The following EIF4G3 variants were observed in gnomAD, a reference collection of about 807,000 sequenced individuals.
The protein encoded by EIF4G3 is eukaryotic translation initiation factor 4 gamma 3.
In EIF4G3, 34 loss-of-function variants were observed where a neutral mutation model predicts 186.4. The ratio of observed to expected loss-of-function variants is 0.18; its 90% CI spans 0.14 to 0.24. EIF4G3 has a LOEUF of 0.24. Ranked by LOEUF, EIF4G3 falls within the 10% of genes least tolerant of loss-of-function variation. EIF4G3 has a pLI of 1.00. For synonymous variants in EIF4G3, 673 were observed against 679.5 expected, an observed-to-expected ratio of 0.99 and a Z score of 0.15; for missense variants, 1,536 against 1,948.5, an observed-to-expected ratio of 0.79 and a Z score of 3.99.
intron 29 of EIF4G3, chr1:20,847,820 T>A: frequency 2.1e-6 from 1 of 471,802 alleles, no homozygotes. Context: ...ACCTCACTCA[T>A]CATCAAAAAC....
At chr1:21,126,259 A>G (rs1259149057) in intron 2 of EIF4G3, among the ~76,000 whole-genome samples, 1 of 152,008 alleles carries the variant, frequency 6.6e-6, no homozygotes, top group African/African-American at 2.4e-5. Context: ...TGGCACAGAA[A>G]AGGCAAAAAC....
intron 20 of EIF4G3, among the ~76,000 whole-genome samples, chr1:20,874,733 C>T (rs1219459330): frequency 6.6e-6 from 1 of 152,008 alleles, no homozygotes; most frequent in African/African-American, 2.4e-5. Flanking sequence ...AAATCTTATA[C>T]CTTTATCCTT....
At chr1:21,073,793 G>T in intron 3 of EIF4G3, 1 of 344,614 alleles carries the variant, frequency 2.9e-6, no homozygotes, top group Admixed American at 3.1e-5. Flanking sequence ...TGTAGACAAC[G>T]TCCCTGGAAG....
At chr1:20,998,749 T>C (rs1014506840) in intron 6 of EIF4G3, 1 of 324,288 alleles carries the variant, frequency 3.1e-6, no homozygotes, top group South Asian at 2.6e-5. Context: ...ATATTGTGGA[T>C]ACTAATACGT....
chr1:21,148,295 T>G (rs2097487339), intron 2 of EIF4G3, among the ~76,000 whole-genome samples: 1 of 152,148 alleles, frequency 6.6e-6, no homozygotes, highest in Admixed American at 6.5e-5. Context: ...GGTCTTGAAC[T>G]CCCGGGTCTA....
intron 2 of EIF4G3, among the ~76,000 whole-genome samples, chr1:21,109,775 C>T (rs1297282555): frequency 6.6e-6 from 1 of 152,046 alleles, no homozygotes; most frequent in Non-Finnish European, 1.5e-5. Flanking sequence ...CCCATTTCAA[C>T]AGAGACTGTA....
intron 14 of EIF4G3, among the ~76,000 whole-genome samples, chr1:20,939,309 C>T (rs1455117543): frequency 6.6e-6 from 1 of 151,942 alleles, no homozygotes; most frequent in Admixed American, 6.6e-5. Flanking sequence ...TCTGTTATTC[C>T]AAGTCATTAA....
chr1:21,074,434 T>C (rs953218704), intron 3 of EIF4G3, among the ~76,000 whole-genome samples: 4 of 152,146 alleles, frequency 2.6e-5, no homozygotes, highest in Admixed American at 2.6e-4. Flanking sequence ...ATTATGAAAA[T>C]ATCTAAATGC....
intron 7 of EIF4G3, among the ~76,000 whole-genome samples, chr1:20,987,599 G>T (rs1011836302): frequency 6.6e-6 from 1 of 151,990 alleles, no homozygotes; most frequent in Non-Finnish European, 1.5e-5. Context: ...TGTTATCATT[G>T]TAACTGGGAG....
Position 20,853,680 on chromosome 1 carries a change from A to C in EIF4G3, c.3434-3T>G. 1 of 1,602,992 alleles carries C rather than the reference A, an allele frequency of 6.2e-7. No individual in the cohort carries two copies. Among genetic ancestry groups the C allele is most frequent in the Non-Finnish European group, 8.5e-7 (1 of 1,170,218 alleles). On this transcript the variant is annotated splice_region_variant and splice_polypyrimidine_tract_variant and intron_variant, in intron 26 of 36. Coordinates refer to ENST00000602326, the MANE Select transcript of EIF4G3 (RefSeq NM_001391906.1). The stretch of plus-strand genomic sequence containing the variant: ...GGAAGCACTTGACCGTAAGGCATCT[A>C]CACATGTCGAGGATTTAGAAAAAAA...
chr1:21,053,926 G>C (rs986752922), intron 3 of EIF4G3, among the ~76,000 whole-genome samples: 2 of 152,150 alleles, frequency 1.3e-5, no homozygotes, highest in African/African-American at 4.8e-5. Flanking sequence ...CTACTGGGAA[G>C]TGAGGAGCCC....
chr1:20,985,038 T>C (rs774136887), intron 7 of EIF4G3, among the ~76,000 whole-genome samples: 14 of 152,308 alleles, frequency 9.2e-5, no homozygotes, highest in Non-Finnish European at 1.6e-4. Flanking sequence ...AGTCAGATTA[T>C]AGGCATGTAC....
rs547224252 is a variant in EIF4G3 at position 20,926,422 on chromosome 1, G to A, written c.1663+15069C>T. 5.3e-5 allele frequency among the ~76,000 whole-genome samples: 8 copies of A among 152,336 alleles called. 1 individual carries two copies. The highest frequency in any genetic ancestry group is 6.8e-3 in the Middle Eastern group (2 of 294). ...AGGCCAGGCATGGTAGCTCATGCCT[G>A]TAACCCCAGCACTTTGGAAGGCCAA... On this transcript the variant is annotated intron_variant, in intron 14 of 36. Coordinates refer to ENST00000602326, the MANE Select transcript of EIF4G3 (RefSeq NM_001391906.1).
chr1:20,994,979 T>G (rs2081981602), intron 7 of EIF4G3, among the ~76,000 whole-genome samples: 1 of 152,100 alleles, frequency 6.6e-6, no homozygotes, highest in Middle Eastern at 3.2e-3. Context: ...AGCCATAAAT[T>G]CATGAGCAGT....
chr1:20,899,771 T>C lies in EIF4G3; in HGVS notation c.1925A>G (p.Glu642Gly). 1 of 1,614,130 alleles carries C rather than the reference T, an allele frequency of 6.2e-7. No individual in the cohort carries two copies. Among genetic ancestry groups the C allele is most frequent in the Non-Finnish European group, 8.5e-7 (1 of 1,180,008 alleles). The change falls in exon 16 of 37, where the codon GAG becomes GGG. Residue 642 changes from glutamate to glycine, a missense_variant. Glu to Gly is a moderately conservative substitution (Grantham distance 98). Coordinates refer to ENST00000602326, the MANE Select transcript of EIF4G3 (RefSeq NM_001391906.1). ...TGAATTAGCATCTATTCCTTCACCC[T>C]CAGAAACACTCTCAGCACCATTACG... ...PVRNGAESVS[E>G]GEGIDANSGS...
At chr1:20,969,329 GTC>G (rs2075354832) in intron 12 of EIF4G3, 143 bp downstream of exon 12, 1 of 842,934 alleles carries the variant, frequency 1.2e-6, no homozygotes, top group Admixed American at 2.8e-5. Context: ...GAAAAAACAT[GTC>G]TGTTTAAATA....
chr1:21,066,404 T>G (rs1050174039), intron 3 of EIF4G3, among the ~76,000 whole-genome samples: 2 of 151,838 alleles, frequency 1.3e-5, no homozygotes, highest in African/African-American at 4.8e-5. Context: ...ATTAGATATG[T>G]AAAAAATTAA....
intron 4 of EIF4G3, among the ~76,000 whole-genome samples, chr1:21,022,296 C>G (rs940581807): frequency 2.0e-5 from 3 of 152,158 alleles, no homozygotes; most frequent in Non-Finnish European, 2.9e-5. Context: ...ATTTTTCTAT[C>G]TGATTATGCT....
Position 21,123,768 on chromosome 1 carries a change from T to G in EIF4G3, c.-271-34555A>C, listed in dbSNP as rs151121897. On this transcript the variant is annotated intron_variant, in intron 2 of 36. Transcript: ENST00000602326. ...CTTCCTAGATTATGATTAAGTAAAA[T>G]TCTGCCACATAGGTCCTATAAAAAA... 1.3e-4 allele frequency among the ~76,000 whole-genome samples: 20 copies of G among 152,200 alleles called. No homozygotes were observed. In the East Asian group the frequency reaches 3.9e-3, roughly 29 times the overall value.
Sources: gnomAD v4.1 joint callset for allele counts (sites outside exome capture counted in the v4.1 genomes callset) on GRCh38, gnomAD v4.1.1 for gene constraint, MANE v1.5 for transcripts, NCBI Gene and HGNC (gene_info 2026-07-23, HGNC 2026-07-21) for gene names.